TSPAN18: variants seen among roughly 807,000 people sequenced by gnomAD.
The protein encoded by TSPAN18 is tetraspanin-18.
In TSPAN18, 14 loss-of-function variants were observed where a neutral mutation model predicts 27.3. That is an observed-to-expected ratio of 0.51 (90% confidence interval 0.34 to 0.80). The LOEUF (loss-of-function observed/expected upper bound fraction) is 0.80. Among genes scored for constraint, TSPAN18 ranks in the 30% least tolerant of loss-of-function variants. The pLI is 0.01. For synonymous variants in TSPAN18, 143 were observed against 136.5 expected, an observed-to-expected ratio of 1.05 and a Z score of -0.33; for missense variants, 268 against 323.9, an observed-to-expected ratio of 0.83 and a Z score of 1.32.
intron 2 of TSPAN18, among the ~76,000 whole-genome samples, chr11:44,822,780 A>T (rs1303313445): frequency 6.6e-6 from 1 of 152,014 alleles, no homozygotes. Flanking sequence ...GAAGACCAGG[A>T]CCCTGCTTCT....
At chr11:44,928,709 C>T (rs1028110956) in intron 9 of TSPAN18, among the ~76,000 whole-genome samples, 5 of 152,130 alleles carry the variant, frequency 3.3e-5, no homozygotes, top group Non-Finnish European at 4.4e-5. Flanking sequence ...TTGCTTGAAC[C>T]TGGGAGGCAG....
chr11:44,851,344 C>A (rs1857595785), intron 2 of TSPAN18, among the ~76,000 whole-genome samples: 1 of 152,202 alleles, frequency 6.6e-6, no homozygotes, highest in Non-Finnish European at 1.5e-5. Flanking sequence ...CCTGACCACC[C>A]AGAGGTTGCC....
intron 2 of TSPAN18, among the ~76,000 whole-genome samples, chr11:44,827,925 A>G (rs781332175): frequency 2.0e-5 from 3 of 152,142 alleles, no homozygotes; most frequent in Non-Finnish European, 4.4e-5. Context: ...CTCCTGGGAG[A>G]GTCCAGGGCG....
intron 8 of TSPAN18, among the ~76,000 whole-genome samples, chr11:44,923,439 G>A (rs1860221134): frequency 1.3e-5 from 2 of 152,176 alleles, no homozygotes; most frequent in South Asian, 4.1e-4. Flanking sequence ...ACCGGGTGGT[G>A]ACAGGGGAAA....
At chr11:44,825,919 G>T (rs1051914390) in intron 2 of TSPAN18, among the ~76,000 whole-genome samples, 61 of 152,256 alleles carry the variant, frequency 4.0e-4, no homozygotes, top group African/African-American at 1.4e-3. Context: ...CCAGGGTGTG[G>T]GTCCCCACTC....
chr11:44,852,525 T>TGAAA (rs3978722), intron 2 of TSPAN18, among the ~76,000 whole-genome samples: 78,911 of 151,764 alleles, frequency 0.52, 21,823 homozygotes, highest in Non-Finnish European at 0.61. Context: ...TGTTGGCTTC[T>TGAAA]GAGTTAATTC....
At chr11:44,745,071 A>C (rs868595780) in intron 1 of TSPAN18, among the ~76,000 whole-genome samples, 2 of 152,188 alleles carry the variant, frequency 1.3e-5, no homozygotes, top group Non-Finnish European at 1.5e-5. Flanking sequence ...GGACTGGGGC[A>C]CTTGAATGCC....
chr11:44,851,838 C>T (rs988411214), intron 2 of TSPAN18, among the ~76,000 whole-genome samples: 2 of 152,198 alleles, frequency 1.3e-5, no homozygotes, highest in African/African-American at 4.8e-5. Context: ...TCTTCAACAG[C>T]GCTGTTATCC....
At chr11:44,877,624 C>T (rs1190730953) in intron 3 of TSPAN18, among the ~76,000 whole-genome samples, 1 of 152,022 alleles carries the variant, frequency 6.6e-6, no homozygotes, top group African/African-American at 2.4e-5. Flanking sequence ...AGGGAGGGGA[C>T]GGGGAGAAAC....
intron 3 of TSPAN18, 64 bp downstream of exon 3, chr11:44,860,533 T>G (rs1857849524): frequency 1.3e-5 from 2 of 152,408 alleles, no homozygotes; most frequent in Admixed American, 1.3e-4. Context: ...CTGTTGTTGT[T>G]GCTAAGGGTA....
intron 1 of TSPAN18, among the ~76,000 whole-genome samples, chr11:44,744,438 T>C (rs2134833731): frequency 6.6e-6 from 1 of 152,312 alleles, no homozygotes; most frequent in East Asian, 1.9e-4. Flanking sequence ...CAGTGGTTCC[T>C]AATTGGTTGC....
chr11:44,877,218 G>T lies in TSPAN18; in HGVS notation c.-11+16749G>T, dbSNP rs889971339. On this transcript the variant is annotated intron_variant, in intron 3 of 9. Coordinates refer to ENST00000520358, the MANE Select transcript of TSPAN18 (RefSeq NM_130783.5). Reference sequence around the variant, plus strand: ...TGTGGTTTCCTACGACGTCTGCAGGGTATGGCAGGCTGGGGCGGGAGCCCG... The same window carrying T: ...TGTGGTTTCCTACGACGTCTGCAGGTTATGGCAGGCTGGGGCGGGAGCCCG... Among the ~76,000 whole-genome samples the T allele has an allele frequency of 6.6e-5, 10 of 152,386 alleles. No individual in the cohort carries two copies. In the South Asian group the frequency reaches 1.7e-3, roughly 25 times the overall value.
intron 3 of TSPAN18, among the ~76,000 whole-genome samples, chr11:44,895,668 C>A (rs1859017386): frequency 6.6e-6 from 1 of 151,454 alleles, no homozygotes; most frequent in African/African-American, 2.4e-5. Context: ...GGCTGGAGCT[C>A]CCTGGTGGGG....
At chr11:44,913,138 G>A (rs992092744) in intron 5 of TSPAN18, among the ~76,000 whole-genome samples, 26 of 152,232 alleles carry the variant, frequency 1.7e-4, no homozygotes, top group African/African-American at 6.3e-4. Context: ...GCCTTTCACT[G>A]CTTTCTCAGC....
At chr11:44,904,380 C>G (rs1564986108) in intron 3 of TSPAN18, among the ~76,000 whole-genome samples, 1 of 152,248 alleles carries the variant, frequency 6.6e-6, no homozygotes, top group Non-Finnish European at 1.5e-5. Context: ...GGCCCCAGGG[C>G]CAGTGCCAAA....
intron 3 of TSPAN18, among the ~76,000 whole-genome samples, chr11:44,866,299 C>G (rs1858034391): frequency 6.6e-6 from 1 of 152,200 alleles, no homozygotes; most frequent in African/African-American, 2.4e-5. Context: ...TCAGCTCCCT[C>G]CACGAATTTG....
chr11:44,838,161 C>A (rs747073314), intron 2 of TSPAN18, among the ~76,000 whole-genome samples: 1 of 152,064 alleles, frequency 6.6e-6, no homozygotes, highest in Admixed American at 6.6e-5. Flanking sequence ...AAGATATGCC[C>A]GAGACTGGGT....
intron 2 of TSPAN18, among the ~76,000 whole-genome samples, chr11:44,848,968 G>T (rs578219552): frequency 3.3e-5 from 5 of 152,354 alleles, no homozygotes; most frequent in African/African-American, 1.2e-4. Flanking sequence ...CAGCCATGTA[G>T]GCGTTGCAAG....
chr11:44,902,693 C>T (rs1263137382), intron 3 of TSPAN18, among the ~76,000 whole-genome samples: 2 of 152,174 alleles, frequency 1.3e-5, no homozygotes, highest in Non-Finnish European at 2.9e-5. Flanking sequence ...ATAGGTTGTC[C>T]TGGTGCCTCC....
Sources: allele counts gnomAD v4.1 joint callset (sites outside exome capture counted in the v4.1 genomes callset), GRCh38; gene constraint gnomAD v4.1.1; transcripts MANE v1.5; gene names NCBI Gene and HGNC (gene_info 2026-07-23, HGNC 2026-07-21).